The following UNC13D variants were observed in gnomAD, a reference collection of about 807,000 sequenced individuals.
UNC13D encodes protein unc-13 homolog D.
UNC13D carries 115 observed loss-of-function variants against 151.7 expected under a neutral mutation model. That is an observed-to-expected ratio of 0.76 (90% CI 0.65 to 0.88). The LOEUF is 0.88. Ranked by LOEUF, UNC13D falls within the 40% of genes least tolerant of loss-of-function variation. The pLI is 0.00. For synonymous variants in UNC13D, 588 were observed against 612.2 expected (o/e 0.96, Z 0.58); for missense variants, 1,369 against 1,438.7 (o/e 0.95, Z 0.78).
In UNC13D at chr17:75,836,162, C is replaced by T. The variant is rs775630267; in HGVS notation, c.1446+38G>A. 4 of 1,611,612 alleles carry T rather than the reference C, an allele frequency of 2.5e-6. 1 individual carries two copies. The highest frequency in any genetic ancestry group is 3.3e-5 in the Admixed American group (2 of 60,000). ...GGCTGCCAGAGGCAGGCACCACCCC[C>T]CGTGACCCCCTGCCCTCCCCCTTGC... On this transcript the variant is annotated intron_variant, in intron 16 of 31. Transcript: ENST00000207549.
At position 75,840,208 on chromosome 17, in the gene UNC13D, C is replaced by A; in HGVS notation, c.858+17G>T. ...CGCAAGAGCTGGGCATGGCCACTGGCCCAGTACCCGACCTACCCGCTTATG... is the reference window on the plus strand; with the variant it reads ...CGCAAGAGCTGGGCATGGCCACTGGACCAGTACCCGACCTACCCGCTTATG... On this transcript the variant is annotated intron_variant, in intron 10 of 31. Transcript: ENST00000207549. The surrounding 1 kb of genome is among the most constrained non-coding windows in gnomAD (Gnocchi z 4.6). The A allele has an allele frequency of 6.2e-7, 1 of 1,613,660 alleles. No homozygotes were observed. Among genetic ancestry groups the A allele is most frequent in the Non-Finnish European group, 8.5e-7 (1 of 1,179,836 alleles).
rs1273394197 is a variant in UNC13D, at chr17:75,827,589, A to T, written c.*376T>A. The T allele has an allele frequency of 2.0e-6, 3 of 1,533,058 alleles. No homozygotes were observed. The Admixed American group carries it at 5.9e-5, about 30-fold the overall frequency. 95.0% of individuals were successfully genotyped at this position (1,533,058 alleles called of 1,614,324 possible). ...CCTGGTCCCAGTGAACCTGGCCCCCACCCCAGTGGCTGGAACAGGAAGGCC... is the reference window on the plus strand; with the variant it reads ...CCTGGTCCCAGTGAACCTGGCCCCCTCCCCAGTGGCTGGAACAGGAAGGCC... On this transcript the variant is annotated 3_prime_UTR_variant, in exon 32 of 32. Coordinates refer to ENST00000207549, the MANE Select transcript of UNC13D (RefSeq NM_199242.3).
chr17:75,841,442 CTTT>C (rs145752081), intron 6 of UNC13D, among the ~76,000 whole-genome samples: 4 of 110,396 alleles, frequency 3.6e-5, no homozygotes, highest in African/African-American at 3.7e-5. Context: ...CGCGCCCAGC[CTTT>C]TTTTTTTTTT....
intron 12 of UNC13D, among the ~76,000 whole-genome samples, chr17:75,837,493 C>G (rs927771032): frequency 1.3e-5 from 2 of 151,546 alleles, no homozygotes; most frequent in Non-Finnish European, 2.9e-5. Context: ...GTGGCTCACA[C>G]CTGTAATCCC....
In UNC13D at chr17:75,840,026, G is replaced by C; in HGVS notation, c.943C>G (p.Gln315Glu). The change falls in exon 11 of 32, where the codon CAG (glutamine) becomes GAG (glutamate). Residue 315 changes from glutamine to glutamate, a missense_variant. Gln to Glu is a conservative substitution (Grantham distance 29). Coordinates refer to ENST00000207549, the MANE Select transcript of UNC13D (RefSeq NM_199242.3). The surrounding 1 kb of genome is among the most constrained non-coding windows in gnomAD (Gnocchi z 4.6). ...CCCCAGGAGGGCAATACCTCGTGCT[G>C]GGTGACCTCGTGGGACACAAGCTGC... ...LQQLVSHEVT[Q>E]HEAGSTSWDG... is the part of the protein sequence containing the mutation. 1 of 1,613,588 alleles carries C rather than the reference G, an allele frequency of 6.2e-7. No individual in the cohort carries two copies.
At position 75,842,426 on chromosome 17, in the gene UNC13D, C is replaced by T; in HGVS notation, c.569+7G>A. The T allele has an allele frequency of 6.2e-7, 1 of 1,609,090 alleles. No individual in the cohort carries two copies. The highest frequency in any genetic ancestry group is 8.5e-7 in the Non-Finnish European group (1 of 1,176,860). On this transcript the variant is annotated splice_region_variant and intron_variant, in intron 6 of 31. Transcript: ENST00000207549. Reference sequence around the variant, plus strand: ...GATAGAGTGGGGGCTGGAGCACGGCCACGTACAGGATGAAGGTCTCGTCCC... The same window carrying T: ...GATAGAGTGGGGGCTGGAGCACGGCTACGTACAGGATGAAGGTCTCGTCCC...
At position 75,830,555 on chromosome 17, in the gene UNC13D, G is replaced by A. The variant is rs192633753; in HGVS notation, c.2709+23C>T. 11 of 1,567,398 alleles carry A rather than the reference G, an allele frequency of 7.0e-6. 1 individual carries two copies. The highest frequency in any genetic ancestry group is 3.5e-5 in the South Asian group (3 of 85,508). ...GGGTGCTCCAGGGCCTGCAGAGGGCGCAGTGCGAGGGAGGGGCCTCACCTG... is the reference window on the plus strand; with the variant it reads ...GGGTGCTCCAGGGCCTGCAGAGGGCACAGTGCGAGGGAGGGGCCTCACCTG... On this transcript the variant is annotated intron_variant, in intron 28 of 31. Transcript: ENST00000207549.
At chr17:75,830,292 C>A (rs2064861536) in intron 29 of UNC13D, 70 bp downstream of exon 29, 5 of 1,571,494 alleles carry the variant, frequency 3.2e-6, no homozygotes, top group Non-Finnish European at 4.3e-6. Flanking sequence ...TGAGCGAAGC[C>A]CCCAGGGTCG....
intron 27 of UNC13D, among the ~76,000 whole-genome samples, 192 bp from the exon 28 acceptor site, chr17:75,830,853 C>G (rs1455044276): frequency 5.3e-5 from 8 of 152,188 alleles, no homozygotes. Flanking sequence ...GCTGGCTTCA[C>G]AGGCGTGCTT....
intron 21 of UNC13D, 25 bp downstream of exon 21, chr17:75,834,895 G>C: frequency 6.2e-7 from 1 of 1,613,856 alleles, no homozygotes. Context: ...GAAAGAGGGG[G>C]AAGGACACGT....
chr17:75,841,139 T>A, intron 6 of UNC13D, 138 bp from the exon 7 acceptor site: 4 of 524,172 alleles, frequency 7.6e-6, no homozygotes, highest in Non-Finnish European at 8.8e-6. Flanking sequence ...GCATCCCTTT[T>A]TTTTTTTTTT....
Position 75,840,506 on chromosome 17 carries a change from C to T in UNC13D, c.753+1G>A, listed in dbSNP as rs201908137. On this transcript the variant is annotated splice_donor_variant, in intron 9 of 31. Coordinates refer to ENST00000207549, the MANE Select transcript of UNC13D (RefSeq NM_199242.3). LOFTEE classifies it high-confidence loss of function. This position sits in a 1 kb window ranked among gnomAD's most constrained non-coding sequence, Gnocchi z 4.6. ...TGGGCCCCTTTCCTCATCCTCCTCA[C>T]CTGCAGCCTCAGAACCACGTTCCCC... 7 of 1,614,062 alleles carry T rather than the reference C, an allele frequency of 4.3e-6. No individual in the cohort carries two copies. Among genetic ancestry groups the T allele is most frequent in the Non-Finnish European group, 5.9e-6 (7 of 1,180,000 alleles).
intron 12 of UNC13D, among the ~76,000 whole-genome samples, chr17:75,839,305 G>C (rs2064931347): frequency 6.6e-6 from 1 of 151,906 alleles, no homozygotes; most frequent in Non-Finnish European, 1.5e-5. Flanking sequence ...GGGAGGCTGA[G>C]GCAGGAGAAT....
Position 75,835,398 on chromosome 17 carries a change from C to G in UNC13D, c.1848+11G>C. On this transcript the variant is annotated intron_variant, in intron 20 of 31. Transcript: ENST00000207549. ...CCGGGGCCCCGCCCCCTGCCCTGGCCACGCCCCCACCTCATCCATCTGCAC... is the reference window on the plus strand; with the variant it reads ...CCGGGGCCCCGCCCCCTGCCCTGGCGACGCCCCCACCTCATCCATCTGCAC... The G allele has an allele frequency of 1.2e-6, 2 of 1,610,546 alleles. No individual in the cohort carries two copies. The highest frequency in any genetic ancestry group is 1.7e-6 in the Non-Finnish European group (2 of 1,179,334).
Position 75,844,291 on chromosome 17 carries a change from C to A in UNC13D, c.47G>T (p.Arg16Leu). 1 of 1,612,774 alleles carries A rather than the reference C, an allele frequency of 6.2e-7. No individual in the cohort carries two copies. Among genetic ancestry groups the A allele is most frequent in the Non-Finnish European group, 8.5e-7 (1 of 1,179,920 alleles). Reference protein sequence around the residue: ...SHPQQRPPFLRQAIKIRRRRV... With the variant: ...SHPQQRPPFLLQAIKIRRRRV... The stretch of plus-strand genomic sequence containing the variant: ...GCGGCGCCTTATCTTGATGGCCTGG[C>A]GCAAGAAGGGAGGGCGCTGCTGCGG... Residue 16 changes from arginine to leucine, a missense_variant, in exon 1 of 32, where the codon CGC becomes CTC. Around this residue, in one of 3 missense-constraint regions of UNC13D, gnomAD observed 550 missense variants for 609.0 expected, o/e 0.90. Transcript: ENST00000207549.
rs575095485 is a variant in UNC13D, at chr17:75,840,379, G to A, written c.754-50C>T. On this transcript the variant is annotated intron_variant, in intron 9 of 31. Coordinates refer to ENST00000207549, the MANE Select transcript of UNC13D (RefSeq NM_199242.3). This position sits in a 1 kb window ranked among gnomAD's most constrained non-coding sequence, Gnocchi z 4.6. ...GTGAGCGTCAGAACCTCATAGAGTC[G>A]GGGCAGCGGAGGCGACAGGAGGTGG... 187 of 1,608,308 alleles carry A rather than the reference G, an allele frequency of 1.2e-4. 2 individuals are homozygous for A. The South Asian group carries it at 1.3e-3, about 11-fold the overall frequency.
In UNC13D at chr17:75,835,995, C is replaced by T. The variant is rs778466259; in HGVS notation, c.1544+17G>A. 1.9e-6 allele frequency: 3 copies of T among 1,614,176 alleles called. No individual in the cohort carries two copies. Among genetic ancestry groups the T allele is most frequent in the Non-Finnish European group, 2.5e-6 (3 of 1,180,042 alleles). On this transcript the variant is annotated intron_variant, in intron 17 of 31. Coordinates refer to ENST00000207549, the MANE Select transcript of UNC13D (RefSeq NM_199242.3). ...GAGGCAATGCCCCACTACCTCCCGA[C>T]CTGGCTATCTGCTCACTTGTGGAAG... is the stretch of plus-strand genomic sequence containing the variant.
At chr17:75,843,658 C>T (rs773029213) in intron 1 of UNC13D, 139 bp from the exon 2 acceptor site, 11 of 1,497,684 alleles carry the variant, frequency 7.3e-6, no homozygotes, top group African/African-American at 2.8e-5. Flanking sequence ...AGTGATGCCC[C>T]GCACCTGTTC....
chr17:75,830,874 A>AC (rs564148606), intron 27 of UNC13D, among the ~76,000 whole-genome samples: 1,766 of 151,568 alleles, frequency 0.012, 23 homozygotes, highest in African/African-American at 0.027. Flanking sequence ...CCCCGACCCC[A>AC]CCCCCCATGC....
Sources: allele counts gnomAD v4.1 joint callset (sites outside exome capture counted in the v4.1 genomes callset), GRCh38; gene constraint gnomAD v4.1.1; regional missense constraint gnomAD v4.1.1; non-coding constraint Gnocchi (gnomAD v3.1); transcripts MANE v1.5; gene names NCBI Gene and HGNC (gene_info 2026-07-23, HGNC 2026-07-21).